Variants in MICAL3 observed in about 807,000 individuals in gnomAD.
MICAL3 encodes [F-actin]-monooxygenase MICAL3.
Under a neutral mutation model 207.4 loss-of-function variants are expected in MICAL3, and 62 were observed. That is an observed-to-expected ratio of 0.30 (90% CI 0.24 to 0.37). MICAL3 has a LOEUF of 0.37. Ranked by LOEUF, MICAL3 falls within the 10% of genes least tolerant of loss-of-function variation. The pLI is 1.00. For synonymous variants in MICAL3, 1,077 were observed against 1,069.3 expected (o/e 1.01, Z -0.14); for missense variants, 2,368 against 2,635.6 (o/e 0.90, Z 2.22).
intron 22 of MICAL3, among the ~76,000 whole-genome samples, chr22:17,826,009 T>C (rs1476126960): frequency 6.6e-6 from 1 of 152,160 alleles, no homozygotes; most frequent in Non-Finnish European, 1.5e-5. Context: ...TCCTCTGCTC[T>C]TCCCTCTCCA....
rs1486063381 is a variant in MICAL3, at chr22:17,810,779, T to C, written c.5480A>G (p.Lys1827Arg). ...TGCCTTTTGCACACGCCGGGTCAGC[T>C]TGGCATTCAGTTCCTCCTCCGTGTA... ...RTYTEEELNA[K>R]LTRRVQKAAR... The change falls in exon 28 of 32, where the codon AAG becomes AGG. Residue 1827 changes from lysine (K) to arginine (R), a missense_variant. By Grantham distance (26) the Lys-to-Arg change is conservative. This residue lies in a region of MICAL3 where 1,770 missense variants were observed against 1,863.2 expected (regional missense o/e 0.95). Transcript: ENST00000441493. The C allele has an allele frequency of 1.4e-5, 23 of 1,613,894 alleles. No homozygotes were observed. Among genetic ancestry groups the C allele is most frequent in the Admixed American group, 8.3e-5 (5 of 60,010 alleles).
intron 29 of MICAL3, among the ~76,000 whole-genome samples, chr22:17,801,213 C>T (rs1423666578): frequency 1.0e-5 from 1 of 99,172 alleles, no homozygotes; most frequent in Non-Finnish European, 1.8e-5. Context: ...AGTGCAGTGG[C>T]GGGATCTCGG....
At chr22:17,842,804 G>T (rs1297616881) in intron 19 of MICAL3, among the ~76,000 whole-genome samples, 1 of 152,198 alleles carries the variant, frequency 6.6e-6, no homozygotes, top group South Asian at 2.1e-4. Context: ...TGTGCACAGG[G>T]CGTCACACCA....
chr22:17,877,318 AGGTTAGGGAG>A (rs1476065167), intron 16 of MICAL3, among the ~76,000 whole-genome samples: 2 of 121,572 alleles, frequency 1.6e-5, no homozygotes, highest in African/African-American at 8.4e-5. Flanking sequence ...GAGGTTAGGG[AGGTTAGGGAG>A]GTTATGGAGG....
In MICAL3 at chr22:17,904,700, T is replaced by G; in HGVS notation, c.404A>C (p.His135Pro). ...NVLHLWPFTIHDLRGLGAKKF... is the reference protein window; with the variant it reads ...NVLHLWPFTIPDLRGLGAKKF... ...CTTGGCACCCAGACCTCGTAGATCA[T>G]GTATGGTGAATGGCCAGAGATGCAA... is the stretch of plus-strand genomic sequence containing the variant. Residue 135 changes from histidine (H) to proline (P), a missense_variant, in exon 3 of 32, where the codon CAT becomes CCT. This residue lies in a region of MICAL3 where 400 missense variants were observed against 547.0 expected (regional missense o/e 0.73). Coordinates refer to ENST00000441493, the MANE Select transcript of MICAL3 (RefSeq NM_015241.3). The G allele has an allele frequency of 6.2e-6, 10 of 1,614,106 alleles. No individual in the cohort carries two copies. Among genetic ancestry groups the G allele is most frequent in the Non-Finnish European group, 8.5e-6 (10 of 1,179,962 alleles).
In MICAL3 at chr22:17,902,834, C is replaced by A; in HGVS notation, c.473-87G>T. On this transcript the variant is annotated intron_variant, in intron 3 of 31. Coordinates refer to ENST00000441493, the MANE Select transcript of MICAL3 (RefSeq NM_015241.3). The surrounding 1 kb of genome is among the most constrained non-coding windows in gnomAD (Gnocchi z 4.5). ...CGCAGCTCAGGCTCCCACCCCGCCACCTACGCCCCCTTCATTCAGATTCCC... is the reference window on the plus strand; with the variant it reads ...CGCAGCTCAGGCTCCCACCCCGCCAACTACGCCCCCTTCATTCAGATTCCC... 1.3e-6 allele frequency: 1 copy of A among 742,198 alleles called. No individual in the cohort carries two copies. Among genetic ancestry groups the A allele is most frequent in the Non-Finnish European group, 2.3e-6 (1 of 434,548 alleles). 46.0% of individuals were successfully genotyped at this position (742,198 alleles called of 1,614,324 possible).
Position 17,901,430 on chromosome 22 carries a change from T to C in MICAL3, c.692-433A>G, listed in dbSNP as rs185009233. The stretch of plus-strand genomic sequence containing the variant: ...GTTCACGCCTGTAATCCCAACACCT[T>C]GGGAAAGGCGAGCAGAGTGCTTGAG... On this transcript the variant is annotated intron_variant, in intron 5 of 31. Transcript: ENST00000441493. Among the ~76,000 whole-genome samples, 1,329 of 152,034 alleles carry C rather than the reference T, an allele frequency of 8.7e-3. 9 individuals carry two copies. The highest frequency in any genetic ancestry group is 0.025 in the Admixed American group (384 of 15,276).
At position 17,817,838 on chromosome 22, in the gene MICAL3, G is replaced by A. The variant is rs532711017; in HGVS notation, c.4823C>T (p.Ala1608Val). Residue 1608 changes from alanine to valine, a missense_variant, in exon 26 of 32, where the codon GCG becomes GTG. By Grantham distance (64) the Ala-to-Val change is moderately conservative. Coordinates refer to ENST00000441493, the MANE Select transcript of MICAL3 (RefSeq NM_015241.3). The stretch of plus-strand genomic sequence containing the variant: ...CTGCCTGGCCATGGCGTCCCGCAGC[G>A]CCTGGCTCTTCACGGACTTCTCCCT... The part of the protein sequence containing the change: ...RAREKSVKSQ[A>V]LRDAMARQLS... The A allele has an allele frequency of 4.6e-5, 74 of 1,611,766 alleles. No individual in the cohort carries two copies. The highest frequency in any genetic ancestry group is 6.7e-5 in the African/African-American group (5 of 75,022).
intron 1 of MICAL3, among the ~76,000 whole-genome samples, chr22:17,994,106 C>T (rs887332007): frequency 3.3e-5 from 5 of 152,340 alleles, no homozygotes; most frequent in East Asian, 3.9e-4. Flanking sequence ...ATCTCTGATG[C>T]TGCCATCGCT....
At chr22:17,961,503 C>T (rs565322363) in intron 1 of MICAL3, among the ~76,000 whole-genome samples, 2 of 152,168 alleles carry the variant, frequency 1.3e-5, no homozygotes, top group East Asian at 1.9e-4. Flanking sequence ...CACCCTCTCA[C>T]CCCCATGGTC....
At chr22:17,873,953 C>T (rs1337081328) in intron 16 of MICAL3, among the ~76,000 whole-genome samples, 3 of 152,208 alleles carry the variant, frequency 2.0e-5, no homozygotes, top group Non-Finnish European at 2.9e-5. Context: ...AATTCTGACT[C>T]AGCAACTCAC....
chr22:17,932,388 G>A (rs1307381959), intron 1 of MICAL3, among the ~76,000 whole-genome samples: 1 of 152,172 alleles, frequency 6.6e-6, no homozygotes, highest in Non-Finnish European at 1.5e-5. Context: ...AGCTTCATAA[G>A]TGAAGGAGAA....
intron 1 of MICAL3, among the ~76,000 whole-genome samples, chr22:17,908,896 T>A (rs1036174199): frequency 6.6e-6 from 1 of 152,172 alleles, no homozygotes; most frequent in African/African-American, 2.4e-5. Flanking sequence ...AGGCACCATG[T>A]TCCAGAATGA....
At chr22:17,830,806 G>A (rs140798340) in intron 21 of MICAL3, among the ~76,000 whole-genome samples, 22 of 152,338 alleles carry the variant, frequency 1.4e-4, no homozygotes, top group African/African-American at 4.6e-4. Context: ...AGTCCCTGAC[G>A]CCAGCTGTTC....
intron 16 of MICAL3, among the ~76,000 whole-genome samples, chr22:17,877,322 T>G (rs139667956): frequency 8.3e-4 from 54 of 65,152 alleles, no homozygotes; most frequent in South Asian, 1.3e-3. Context: ...TTAGGGAGGT[T>G]AGGGAGGTTA....
At chr22:17,879,852 G>A (rs2146205328) in intron 16 of MICAL3, among the ~76,000 whole-genome samples, 1 of 152,356 alleles carries the variant, frequency 6.6e-6, no homozygotes, top group Middle Eastern at 3.4e-3. Flanking sequence ...AAACTCCAGA[G>A]TGGGAAGTGG....
At chr22:17,925,855 A>G (rs959944029) in intron 1 of MICAL3, among the ~76,000 whole-genome samples, 7 of 152,192 alleles carry the variant, frequency 4.6e-5, no homozygotes, top group Non-Finnish European at 1.0e-4. Flanking sequence ...TAAATCCTCA[A>G]ACAGGCATTG....
intron 21 of MICAL3, among the ~76,000 whole-genome samples, chr22:17,829,979 T>A (rs949473589): frequency 6.6e-6 from 1 of 152,108 alleles, no homozygotes; most frequent in African/African-American, 2.4e-5. Context: ...AACACAGACC[T>A]TTGTCTGTGA....
At chr22:18,012,108 GC>G in intron 1 of MICAL3, among the ~76,000 whole-genome samples, 1 of 152,056 alleles carries the variant, frequency 6.6e-6, no homozygotes, top group African/African-American at 2.4e-5. Context: ...GGTGGCGGGA[GC>G]CTATAATCCC....
Sources: allele counts gnomAD v4.1 joint callset (sites outside exome capture counted in the v4.1 genomes callset), GRCh38; gene constraint gnomAD v4.1.1; regional missense constraint gnomAD v4.1.1; non-coding constraint Gnocchi (gnomAD v3.1); transcripts MANE v1.5; gene names NCBI Gene and HGNC (gene_info 2026-07-23, HGNC 2026-07-21).